The following EXOC4 variants were observed in gnomAD, a reference collection of about 807,000 sequenced individuals.
EXOC4 encodes the protein exocyst complex component 4.
EXOC4 carries 71 observed loss-of-function variants against 107.2 expected under a neutral mutation model. The ratio of observed to expected loss-of-function variants is 0.66; its 90% CI spans 0.55 to 0.81. The LOEUF (loss-of-function observed/expected upper bound fraction) is 0.81, where lower values mean the gene tolerates loss of function less well. EXOC4 is among the 30% of genes least tolerant of loss of function. EXOC4 has a pLI of 0.00. For synonymous variants in EXOC4, 456 were observed against 441.2 expected, an observed-to-expected ratio of 1.03 and a Z score of -0.42; for missense variants, 1,108 against 1,189.6, an observed-to-expected ratio of 0.93 and a Z score of 1.01.
At chr7:133,515,740 A>T (rs1223524113) in intron 9 of EXOC4, among the ~76,000 whole-genome samples, 1 of 152,158 alleles carries the variant, frequency 6.6e-6, no homozygotes, top group Non-Finnish European at 1.5e-5. Flanking sequence ...AAGTGCTGGG[A>T]TTCCAGGGGT....
chr7:133,323,011 C>G (rs1477888228), intron 5 of EXOC4, among the ~76,000 whole-genome samples: 1 of 151,554 alleles, frequency 6.6e-6, no homozygotes, highest in Non-Finnish European at 1.5e-5. Context: ...ATTTGGCTCT[C>G]TGTCTGTTAT....
intron 9 of EXOC4, among the ~76,000 whole-genome samples, chr7:133,552,619 C>A (rs1370200019): frequency 2.0e-5 from 3 of 151,990 alleles, no homozygotes; most frequent in Middle Eastern, 3.2e-3. Context: ...TGCTGAAACT[C>A]AGTAGTGACT....
Position 133,594,493 on chromosome 7 carries a change from C to CTTTTTTTTTTTTTTTT in EXOC4, c.1418-35547_1418-35532dup, listed in dbSNP as rs532692119. On this transcript the variant is annotated intron_variant, in intron 9 of 17. Coordinates refer to ENST00000253861, the MANE Select transcript of EXOC4 (RefSeq NM_021807.4). ...AGACAAGAAATACATAAGCTTGAGTCTTTTTTTTTTTTTTTTTTTTGAGAC... is the reference window on the plus strand; with the variant it reads ...AGACAAGAAATACATAAGCTTGAGTCTTTTTTTTTTTTTTTTTTTTTTTTTTTTTTTTTTTTGAGAC... Among the ~76,000 whole-genome samples the CTTTTTTTTTTTTTTTT allele has an allele frequency of 1.2e-3, 110 of 90,360 alleles. 19 individuals carry two copies. Among genetic ancestry groups the CTTTTTTTTTTTTTTTT allele is most frequent in the Non-Finnish European group, 1.5e-3 (79 of 51,190 alleles). 59.3% of individuals were successfully genotyped at this position (90,360 alleles called of 152,430 possible). A position where few individuals can be genotyped will look rare whatever the true frequency, so the allele number is the denominator to read the frequency against.
chr7:134,052,013 G>A (rs1039510698), intron 17 of EXOC4, among the ~76,000 whole-genome samples: 8 of 152,090 alleles, frequency 5.3e-5, no homozygotes, highest in Admixed American at 5.2e-4. Context: ...AAAAAATGTG[G>A]CTCCATGACA....
At chr7:133,984,620 T>G (rs1794071861) in intron 14 of EXOC4, among the ~76,000 whole-genome samples, 1 of 152,218 alleles carries the variant, frequency 6.6e-6, no homozygotes, top group African/African-American at 2.4e-5. Context: ...CACTGAGAGA[T>G]GCCAGGAAGA....
chr7:133,630,257 C>G, intron 10 of EXOC4, 116 bp downstream of exon 10: 1 of 742,544 alleles, frequency 1.3e-6, no homozygotes, highest in South Asian at 1.9e-5. Flanking sequence ...GAAATTTATT[C>G]CATTTTTAGG....
At chr7:133,727,391 C>T (rs34080380) in intron 10 of EXOC4, 1 of 159,038 alleles carries the variant, frequency 6.3e-6, no homozygotes, top group East Asian at 1.9e-4. Flanking sequence ...ACACCACCTT[C>T]TAATGGATTC....
intron 10 of EXOC4, among the ~76,000 whole-genome samples, chr7:133,760,793 A>G (rs1253669186): frequency 1.3e-5 from 2 of 152,176 alleles, no homozygotes; most frequent in East Asian, 3.9e-4. Flanking sequence ...AGGTTGATTT[A>G]AAAGGGGCCT....
At chr7:133,517,144 A>G (rs750820364) in intron 9 of EXOC4, among the ~76,000 whole-genome samples, 6 of 152,150 alleles carry the variant, frequency 3.9e-5, no homozygotes, top group African/African-American at 7.2e-5. Flanking sequence ...TAAAAATAAT[A>G]TTAAGACAGT....
intron 14 of EXOC4, among the ~76,000 whole-genome samples, chr7:133,962,119 C>T (rs1016826667): frequency 1.3e-5 from 2 of 152,224 alleles, no homozygotes; most frequent in Non-Finnish European, 2.9e-5. Flanking sequence ...TGACTCTCTC[C>T]TGAGGTCACA....
chr7:133,339,050 C>T (rs1795597766), intron 5 of EXOC4, among the ~76,000 whole-genome samples: 1 of 152,136 alleles, frequency 6.6e-6, no homozygotes, highest in Admixed American at 6.5e-5. Flanking sequence ...CTGTGCCCAG[C>T]CCATTATATC....
At chr7:133,919,048 C>A (rs1249153174) in intron 13 of EXOC4, among the ~76,000 whole-genome samples, 2 of 152,108 alleles carry the variant, frequency 1.3e-5, no homozygotes, top group African/African-American at 4.8e-5. Flanking sequence ...TGAAAATTTT[C>A]TGTAGCATCA....
At chr7:133,550,199 G>A (rs1800558585) in intron 9 of EXOC4, among the ~76,000 whole-genome samples, 1 of 152,152 alleles carries the variant, frequency 6.6e-6, no homozygotes, top group South Asian at 2.1e-4. Flanking sequence ...TTTACTAAAT[G>A]AGCCCTCTGA....
intron 7 of EXOC4, among the ~76,000 whole-genome samples, chr7:133,428,243 G>T (rs1455326083): frequency 6.6e-6 from 1 of 152,186 alleles, no homozygotes; most frequent in Non-Finnish European, 1.5e-5. Flanking sequence ...CTGTTGTCTT[G>T]TGTAGTCGAA....
intron 10 of EXOC4, among the ~76,000 whole-genome samples, chr7:133,816,693 C>T (rs891094498): frequency 3.3e-5 from 5 of 152,200 alleles, no homozygotes; most frequent in African/African-American, 9.7e-5. Flanking sequence ...AAGATGGTTT[C>T]GGAATGAAAT....
chr7:133,732,534 A>C (rs6947583), intron 10 of EXOC4: 132,460 of 152,802 alleles, frequency 0.87, 58,003 homozygotes, highest in East Asian at 0.99. Context: ...CCATCAGCTC[A>C]TTCAACTTCA....
At chr7:133,499,005 C>T (rs1484658246) in intron 9 of EXOC4, among the ~76,000 whole-genome samples, 5 of 151,156 alleles carry the variant, frequency 3.3e-5, no homozygotes, top group African/African-American at 1.2e-4. Flanking sequence ...TTATATCGTG[C>T]TTATTAAGTA....
At chr7:133,435,382 C>T (rs974573252) in intron 7 of EXOC4, among the ~76,000 whole-genome samples, 34 of 151,974 alleles carry the variant, frequency 2.2e-4, no homozygotes, top group Admixed American at 1.7e-3. Context: ...AGCTATTGAT[C>T]GTGTCTGTTT....
At chr7:133,381,405 G>T (rs1176384686) in intron 7 of EXOC4, among the ~76,000 whole-genome samples, 1 of 152,108 alleles carries the variant, frequency 6.6e-6, no homozygotes, top group Non-Finnish European at 1.5e-5. Context: ...GCCCAAGAAA[G>T]GTTTTGGAGA....
Sources: gnomAD v4.1 joint callset for allele counts (sites outside exome capture counted in the v4.1 genomes callset) on GRCh38, gnomAD v4.1.1 for gene constraint, MANE v1.5 for transcripts, NCBI Gene and HGNC (gene_info 2026-07-23, HGNC 2026-07-21) for gene names.